NAA30: variants seen among roughly 807,000 people sequenced by gnomAD.
NAA30 encodes the protein N-alpha-acetyltransferase 30, NatC catalytic subunit.
In NAA30, 5 loss-of-function variants were observed where a neutral mutation model predicts 31.4. The observed-to-expected ratio is 0.16, with a 90% CI of 0.08 to 0.33. The LOEUF (loss-of-function observed/expected upper bound fraction) is 0.33, where lower values mean the gene tolerates loss of function less well. Ranked by LOEUF, NAA30 falls within the 10% of genes least tolerant of loss-of-function variation. The pLI, the probability that NAA30 is intolerant of heterozygous loss-of-function variation, is 1.00. For synonymous variants in NAA30, 222 were observed against 207.1 expected (o/e 1.07, Z -0.62); for missense variants, 428 against 490.8 (o/e 0.87, Z 1.21).
In NAA30 at chr14:57,413,702, C is replaced by T. The variant is rs1185053179; in HGVS notation, c.*4186C>T. 1 of 152,202 alleles carries T rather than the reference C, an allele frequency of 6.6e-6. No homozygotes were observed. The highest frequency in any genetic ancestry group is 1.5e-5 in the Non-Finnish European group (1 of 68,084). The allele number at this position is 152,202 out of a possible 1,614,324, so 9.4% of individuals were successfully genotyped here. A position where few individuals can be genotyped will look rare whatever the true frequency, so the allele number is the denominator to read the frequency against. ...TGAGACAGGGTTTCACCATGTTGGCCAGGCTGGTCTCAAACTCCTGACCTC... is the reference window on the plus strand; with the variant it reads ...TGAGACAGGGTTTCACCATGTTGGCTAGGCTGGTCTCAAACTCCTGACCTC... On this transcript the variant is annotated 3_prime_UTR_variant, in exon 5 of 5. Transcript: ENST00000556492.
chr14:57,414,900 C>T lies in NAA30; in HGVS notation c.*5384C>T, dbSNP rs1037368763. 6.6e-6 allele frequency: 1 copy of T among 151,246 alleles called. No individual in the cohort carries two copies. The highest frequency in any genetic ancestry group is 1.5e-5 in the Non-Finnish European group (1 of 68,010). The allele number at this position is 151,246 out of a possible 1,614,324, so 9.4% of individuals were successfully genotyped here. A position where few individuals can be genotyped will look rare whatever the true frequency, so the allele number is the denominator to read the frequency against. On this transcript the variant is annotated 3_prime_UTR_variant, in exon 5 of 5. Transcript: ENST00000556492. ...CAATATGAAACAGACCTAGAAATAA[C>T]AAAGACCACTGAAGTGCCAAATTTA... is the stretch of plus-strand genomic sequence containing the variant.
chr14:57,405,436 T>A (rs541076415), intron 4 of NAA30, among the ~76,000 whole-genome samples: 155 of 151,188 alleles, frequency 1.0e-3, no homozygotes, highest in African/African-American at 3.5e-3. Flanking sequence ...TATATATATA[T>A]AAAACATCTT....
chr14:57,391,526 C>G lies in NAA30; in HGVS notation c.569C>G (p.Ser190Cys), dbSNP rs139705465. ...EDEQVRLLSS[S>C]LTADCSLRSP... ...GAGCAGGTGCGGCTGCTGTCTTCGT[C>G]CCTGACCGCCGACTGCAGCTTAAGA... Residue 190 changes from serine to cysteine, a missense_variant, in exon 2 of 5, where the codon TCC (serine) becomes TGC (cysteine). Ser to Cys is a moderately radical substitution (Grantham distance 112, BLOSUM62 -1). Around this residue, in one of 2 missense-constraint regions of NAA30, gnomAD observed 349 missense variants for 310.4 expected, o/e 1.12. Transcript: ENST00000556492. The surrounding 1 kb of genome is among the most constrained non-coding windows in gnomAD (Gnocchi z 4.1). The G allele has an allele frequency of 1.2e-6, 2 of 1,613,734 alleles. 1 individual carries two copies. Among genetic ancestry groups the G allele is most frequent in the East Asian group, 4.5e-5 (2 of 44,872 alleles).
chr14:57,407,683 T>C (rs1219194506), intron 4 of NAA30, among the ~76,000 whole-genome samples: 1 of 152,196 alleles, frequency 6.6e-6, no homozygotes, highest in African/African-American at 2.4e-5. Context: ...ACTTTTTATG[T>C]CTCTTGATAT....
intron 4 of NAA30, among the ~76,000 whole-genome samples, chr14:57,406,668 C>G (rs2066499339): frequency 6.6e-6 from 1 of 152,124 alleles, no homozygotes; most frequent in Non-Finnish European, 1.5e-5. Flanking sequence ...TACGTGAAAT[C>G]AATTCCAAGT....
At chr14:57,408,769 A>G (rs2066510537) in intron 4 of NAA30, among the ~76,000 whole-genome samples, 2 of 152,210 alleles carry the variant, frequency 1.3e-5, no homozygotes, top group African/African-American at 2.4e-5. Flanking sequence ...CTTTGTGGCA[A>G]CTGCTCAGCT....
rs548056060 is a variant in NAA30 at position 57,404,538 on chromosome 14, A to T, written c.951+4655A>T. 2.2e-4 allele frequency among the ~76,000 whole-genome samples: 33 copies of T among 152,310 alleles called. 1 individual carries two copies. The South Asian group carries it at 5.6e-3, about 26-fold the overall frequency. On this transcript the variant is annotated intron_variant, in intron 4 of 4. Coordinates refer to ENST00000556492, the MANE Select transcript of NAA30 (RefSeq NM_001011713.3). ...TAATGAACATTACAGAAAACTTGGGAAACAGAAGAAGAAAGTTCACTACCT... is the reference window on the plus strand; with the variant it reads ...TAATGAACATTACAGAAAACTTGGGTAACAGAAGAAGAAAGTTCACTACCT...
intron 2 of NAA30, among the ~76,000 whole-genome samples, chr14:57,392,100 CTTA>C (rs1203280133): frequency 1.3e-5 from 2 of 152,242 alleles, no homozygotes; most frequent in East Asian, 3.9e-4. Context: ...AGATACAGGC[CTTA>C]TTAGTCTCTC....
Position 57,414,655 on chromosome 14 carries a change from C to G in NAA30, c.*5139C>G, listed in dbSNP as rs1324742300. ...ATGAGGCCAAAGGCCAATGTTACTT[C>G]TAGAAGAACCAGATTAATTTTTCTG... is the stretch of plus-strand genomic sequence containing the variant. On this transcript the variant is annotated 3_prime_UTR_variant, in exon 5 of 5. Coordinates refer to ENST00000556492, the MANE Select transcript of NAA30 (RefSeq NM_001011713.3). The G allele has an allele frequency of 6.6e-6, 1 of 152,228 alleles. No homozygotes were observed. Among genetic ancestry groups the G allele is most frequent in the African/African-American group, 2.4e-5 (1 of 41,456 alleles). 9.4% of individuals were successfully genotyped at this position (152,228 alleles called of 1,614,324 possible).
chr14:57,414,690 A>G lies in NAA30; in HGVS notation c.*5174A>G, dbSNP rs1008411602. 2 of 152,142 alleles carry G rather than the reference A, an allele frequency of 1.3e-5. No individual in the cohort carries two copies. Among genetic ancestry groups the G allele is most frequent in the Non-Finnish European group, 2.9e-5 (2 of 68,032 alleles). 9.4% of individuals were successfully genotyped at this position (152,142 alleles called of 1,614,324 possible). A position where few individuals can be genotyped will look rare whatever the true frequency, so the allele number is the denominator to read the frequency against. On this transcript the variant is annotated 3_prime_UTR_variant, in exon 5 of 5. Coordinates refer to ENST00000556492, the MANE Select transcript of NAA30 (RefSeq NM_001011713.3). ...CAGATTAATTTTTCTGCCTTCCATCACCGCAGTGTATTACCTTTGACCCTC... is the reference window on the plus strand; with the variant it reads ...CAGATTAATTTTTCTGCCTTCCATCGCCGCAGTGTATTACCTTTGACCCTC...
At chr14:57,393,529 A>G (rs79246869) in intron 2 of NAA30, among the ~76,000 whole-genome samples, 2,404 of 152,286 alleles carry the variant, frequency 0.016, 58 homozygotes, top group African/African-American at 0.054. Flanking sequence ...TAAGTTTCCC[A>G]TAGGAACTAT....
At position 57,409,828 on chromosome 14, in the gene NAA30, A is replaced by T. The variant is rs1053759941; in HGVS notation, c.*312A>T. The T allele has an allele frequency of 9.0e-6, 2 of 221,422 alleles. No individual in the cohort carries two copies. 13.7% of individuals were successfully genotyped at this position (221,422 alleles called of 1,614,324 possible). A position where few individuals can be genotyped will look rare whatever the true frequency, so the allele number is the denominator to read the frequency against. ...TACACAGTGATCATTTTATCACAGA[A>T]CCAGTAAGTGGAACATAATTTTTGT... is the stretch of plus-strand genomic sequence containing the variant. On this transcript the variant is annotated 3_prime_UTR_variant, in exon 5 of 5. Transcript: ENST00000556492.
chr14:57,408,655 A>G (rs2066510030), intron 4 of NAA30, among the ~76,000 whole-genome samples: 1 of 152,206 alleles, frequency 6.6e-6, no homozygotes, highest in Non-Finnish European at 1.5e-5. Flanking sequence ...CCTTCAGGTG[A>G]TTATGATACA....
chr14:57,404,491 C>T (rs1463042721), intron 4 of NAA30, among the ~76,000 whole-genome samples: 1 of 152,126 alleles, frequency 6.6e-6, no homozygotes, highest in Non-Finnish European at 1.5e-5. Context: ...ATATTAAAGA[C>T]ATTTTTTCCA....
chr14:57,391,409 C>A lies in NAA30; in HGVS notation c.452C>A (p.Pro151His), dbSNP rs2139756536. 1.2e-6 allele frequency: 2 copies of A among 1,607,572 alleles called. No individual in the cohort carries two copies. Among genetic ancestry groups the A allele is most frequent in the African/African-American group, 1.3e-5 (1 of 74,954 alleles). Residue 151 changes from proline to histidine, a missense_variant, in exon 2 of 5, where the codon CCC becomes CAC. By Grantham distance (77) the Pro-to-His change is moderately conservative. Transcript: ENST00000556492. The surrounding 1 kb of genome is among the most constrained non-coding windows in gnomAD (Gnocchi z 4.1). ...TCTAGTAATGCAAGAACTGCGGTCC[C>A]CAGCCCGGTGGAGGCAGCGGCGGCG... ...SLSSNARTAV[P>H]SPVEAAAASD...
intron 4 of NAA30, among the ~76,000 whole-genome samples, chr14:57,407,661 A>G (rs1699782964): frequency 6.6e-6 from 1 of 152,230 alleles, no homozygotes; most frequent in Admixed American, 6.5e-5. Context: ...GCTGAGGCCA[A>G]TATATTGATG....
At chr14:57,408,640 C>T (rs1014921107) in intron 4 of NAA30, among the ~76,000 whole-genome samples, 1 of 152,194 alleles carries the variant, frequency 6.6e-6, no homozygotes, top group African/African-American at 2.4e-5. Context: ...TCTATTTTAA[C>T]AGACCCTTCA....
chr14:57,391,110 C>A lies in NAA30; in HGVS notation c.153C>A (p.Gly51=). 6.4e-7 allele frequency: 1 copy of A among 1,573,266 alleles called. No homozygotes were observed. The highest frequency in any genetic ancestry group is 8.6e-7 in the Non-Finnish European group (1 of 1,162,922). The change falls in exon 2 of 5, where the codon GGC becomes GGA. Residue 51 remains glycine (G), a synonymous_variant. Coordinates refer to ENST00000556492, the MANE Select transcript of NAA30 (RefSeq NM_001011713.3). This position sits in a 1 kb window ranked among gnomAD's most constrained non-coding sequence, Gnocchi z 4.1. The part of the protein sequence containing the change: ...DEEDDEEHEG[G]GSRSPAGGES... ...AGGACGACGAAGAGCACGAAGGCGGCGGCAGCAGGAGCCCGGCGGGCGGAG... is the reference window on the plus strand; with the variant it reads ...AGGACGACGAAGAGCACGAAGGCGGAGGCAGCAGGAGCCCGGCGGGCGGAG...
At chr14:57,409,245 C>A (rs2066512838) in intron 4 of NAA30, 134 bp from the exon 5 acceptor site, 1 of 741,416 alleles carries the variant, frequency 1.3e-6, no homozygotes, top group Non-Finnish European at 2.1e-6. Context: ...TTTTTGAGTT[C>A]TTTCTGTATA....
Sources: allele counts gnomAD v4.1 joint callset (sites outside exome capture counted in the v4.1 genomes callset), GRCh38; gene constraint gnomAD v4.1.1; regional missense constraint gnomAD v4.1.1; non-coding constraint Gnocchi (gnomAD v3.1); transcripts MANE v1.5; gene names NCBI Gene and HGNC (gene_info 2026-07-23, HGNC 2026-07-21).